Variants in PAXBP1 observed in about 807,000 individuals in gnomAD.
PAXBP1 encodes PAX3- and PAX7-binding protein 1.
In PAXBP1, 44 loss-of-function variants were observed where a neutral mutation model predicts 119.9. The ratio of observed to expected loss-of-function variants is 0.37; its 90% CI spans 0.29 to 0.47. The LOEUF (loss-of-function observed/expected upper bound fraction) is 0.47, where lower values mean the gene tolerates loss of function less well. Ranked by LOEUF, PAXBP1 falls within the 20% of genes least tolerant of loss-of-function variation. The pLI is 0.99. For synonymous variants in PAXBP1, 393 were observed against 406.6 expected (o/e 0.97, Z 0.40); for missense variants, 898 against 1,134.1 (o/e 0.79, Z 2.99).
At chr21:32,743,147 A>G in intron 15 of PAXBP1, 101 bp downstream of exon 15, 3 of 849,760 alleles carry the variant, frequency 3.5e-6, no homozygotes, top group Non-Finnish European at 5.9e-6. Context: ...ATATAAATAG[A>G]TCTAAGCCTA....
chr21:32,749,189 G>A (rs1024322451), intron 10 of PAXBP1, among the ~76,000 whole-genome samples: 2 of 151,620 alleles, frequency 1.3e-5, no homozygotes, highest in Non-Finnish European at 2.9e-5. Context: ...AGTTATTTGC[G>A]AATAAGATTT....
At position 32,743,503 on chromosome 21, in the gene PAXBP1, A is replaced by G. The variant is rs144774035; in HGVS notation, c.2267+175T>C. On this transcript the variant is annotated intron_variant, in intron 14 of 17. Transcript: ENST00000331923. ...ATTTATTCTGAGACACTCAGGGAGA[A>G]CGTAAGAGTATTGTTTTATTCTGCT... 1.3e-3 allele frequency among the ~76,000 whole-genome samples: 197 copies of G among 152,324 alleles called. 1 individual carries two copies. The highest frequency in any genetic ancestry group is 4.6e-3 in the African/African-American group (192 of 41,570).
chr21:32,738,128 T>C, intron 16 of PAXBP1, 45 bp downstream of exon 16: 1 of 1,474,224 alleles, frequency 6.8e-7, no homozygotes, highest in Non-Finnish European at 9.0e-7. Flanking sequence ...ACTTAATTCA[T>C]TTTAAATTAT....
At chr21:32,736,782 G>A (rs1212982202) in intron 17 of PAXBP1, among the ~76,000 whole-genome samples, 4 of 152,126 alleles carry the variant, frequency 2.6e-5, no homozygotes, top group Non-Finnish European at 5.9e-5. Context: ...AATGTCCACA[G>A]AAAGGCTAAT....
At chr21:32,748,740 G>C (rs1368282123) in intron 10 of PAXBP1, 42 bp from the exon 11 acceptor site, 1 of 1,538,326 alleles carries the variant, frequency 6.5e-7, no homozygotes, top group African/African-American at 1.4e-5. Flanking sequence ...ACATTAGTAT[G>C]AAGTAGGAAA....
At chr21:32,735,990 T>G (rs974163322) in intron 17 of PAXBP1, among the ~76,000 whole-genome samples, 7 of 152,112 alleles carry the variant, frequency 4.6e-5, no homozygotes, top group African/African-American at 1.7e-4. Flanking sequence ...TGTAGAAAAG[T>G]AAACACTATT....
At position 32,744,913 on chromosome 21, in the gene PAXBP1, A is replaced by G; in HGVS notation, c.2069T>C (p.Val690Ala). 6.3e-7 allele frequency: 1 copy of G among 1,595,558 alleles called. No homozygotes were observed. Among genetic ancestry groups the G allele is most frequent in the Non-Finnish European group, 8.5e-7 (1 of 1,174,984 alleles). Reference sequence around the variant, plus strand: ...AGGGTCCCACATATTTTCAGCTATCACTATTAAGAAAAAAAGAGGATTGAG... The same window carrying G: ...AGGGTCCCACATATTTTCAGCTATCGCTATTAAGAAAAAAAGAGGATTGAG... ...VEKVILPKLTVIAENMWDPFS... is the reference protein window; with the variant it reads ...VEKVILPKLTAIAENMWDPFS... Residue 690 changes from valine (V) to alanine (A), a missense_variant and splice_region_variant, in exon 13 of 18, where the codon GTG (valine) becomes GCG (alanine). This residue lies in a region of PAXBP1 where 599 missense variants were observed against 852.7 expected (regional missense o/e 0.70). Coordinates refer to ENST00000331923, the MANE Select transcript of PAXBP1 (RefSeq NM_016631.4).
intron 10 of PAXBP1, among the ~76,000 whole-genome samples, chr21:32,749,864 G>A (rs2043932218): frequency 6.6e-6 from 1 of 152,078 alleles, no homozygotes; most frequent in Admixed American, 6.6e-5. Flanking sequence ...GAACAATAGG[G>A]GTGGGTGTGT....
At chr21:32,753,492 T>C (rs1465359342) in intron 8 of PAXBP1, among the ~76,000 whole-genome samples, 1 of 151,916 alleles carries the variant, frequency 6.6e-6, no homozygotes, top group East Asian at 1.9e-4. Context: ...TTGTAAAATG[T>C]GCACTGGAGG....
Position 32,771,605 on chromosome 21 carries a change from C to A in PAXBP1, c.64G>T (p.Glu22Ter). 1 of 1,467,082 alleles carries A rather than the reference C, an allele frequency of 6.8e-7. No homozygotes were observed. The highest frequency in any genetic ancestry group is 9.0e-7 in the Non-Finnish European group (1 of 1,114,708). The allele number at this position is 1,467,082 out of a possible 1,614,324, so 90.9% of individuals were successfully genotyped here. The change falls in exon 1 of 18, where the codon GAA becomes TAA. Residue 22 changes from glutamate (E) to a stop codon, truncating the protein, a stop_gained. Transcript: ENST00000331923. LOFTEE classifies it high-confidence loss of function. ...GGCGGCTCCTGCTCCTCATCGCGTTCCCGCTCTTCCTCTTCGGAGTCGTTC... is the reference window on the plus strand; with the variant it reads ...GGCGGCTCCTGCTCCTCATCGCGTTACCGCTCTTCCTCTTCGGAGTCGTTC... ...KRNDSEEEERERDEEQEPPPL... is the reference protein window; with the variant it reads ...KRNDSEEEER
intron 4 of PAXBP1, 45 bp from the exon 5 acceptor site, chr21:32,761,207 C>T (rs758126641): frequency 6.9e-7 from 1 of 1,448,422 alleles, no homozygotes; most frequent in East Asian, 2.3e-5. Flanking sequence ...ACCCAAAGAG[C>T]AAAGAGGTAA....
In PAXBP1 at chr21:32,735,074, GA is replaced by G. The variant is rs1319707485; in HGVS notation, c.2637-8del. ...TATCTGTTTTATGTTTTCCCTAAAAGAAAAAAATATAGCAGCATCTCATTAA... is the reference window on the plus strand; with the variant it reads ...TATCTGTTTTATGTTTTCCCTAAAAGAAAAAATATAGCAGCATCTCATTAA... On this transcript the variant is annotated splice_region_variant and splice_polypyrimidine_tract_variant and intron_variant, in intron 17 of 17. Coordinates refer to ENST00000331923, the MANE Select transcript of PAXBP1 (RefSeq NM_016631.4). The G allele has an allele frequency of 1.3e-6, 2 of 1,591,376 alleles. No individual in the cohort carries two copies. The highest frequency in any genetic ancestry group is 2.7e-5 in the African/African-American group (2 of 74,206).
chr21:32,743,370 T>A (rs73901530), intron 14 of PAXBP1, 56 bp from the exon 15 acceptor site: 2 of 1,196,860 alleles, frequency 1.7e-6, no homozygotes, highest in Non-Finnish European at 2.3e-6. Flanking sequence ...GTAGGTGCCA[T>A]ATGATTCCTG....
rs1569153099 is a variant in PAXBP1 at position 32,738,181 on chromosome 21, C to A, written c.2473G>T (p.Ala825Ser). ...CTATGCATTTAACTCACATTTTGGGCTTTTTTGATGCTGTCATCTCCATAT... is the reference window on the plus strand; with the variant it reads ...CTATGCATTTAACTCACATTTTGGGATTTTTTGATGCTGTCATCTCCATAT... ...SEYGDDSIKK[A>S]QNVINCFPKQ... is the part of the protein sequence containing the mutation. Residue 825 changes from alanine (A) to serine (S), a missense_variant, in exon 16 of 18, where the codon GCC (alanine) becomes TCC (serine). Physicochemically the swap from Ala to Ser is moderately conservative, Grantham distance 99. Around this residue, in one of 2 missense-constraint regions of PAXBP1, gnomAD observed 599 missense variants for 852.7 expected, o/e 0.70. Coordinates refer to ENST00000331923, the MANE Select transcript of PAXBP1 (RefSeq NM_016631.4). The A allele has an allele frequency of 6.4e-7, 1 of 1,569,962 alleles. No individual in the cohort carries two copies. Among genetic ancestry groups the A allele is most frequent in the Admixed American group, 2.1e-5 (1 of 47,796 alleles).
At chr21:32,760,902 C>CGTGTGTGTGTGTGTGTGT (rs1175775718) in intron 5 of PAXBP1, among the ~76,000 whole-genome samples, 157 bp downstream of exon 5, 3 of 127,714 alleles carry the variant, frequency 2.3e-5, no homozygotes, top group Non-Finnish European at 3.3e-5. Context: ...TGCGTGCGTG[C>CGTGTGTGTGTGTGTGTGT]GTGTGTGTGT....
In PAXBP1 at chr21:32,759,190, T is replaced by C; in HGVS notation, c.1273A>G (p.Arg425Gly). ...GACCCTTCTAATCTTTCAATAGCCC[T>C]GGTAGAGTCCACTCGGCTTTGCAGA... Reference protein sequence around the residue: ...KHLQSRVDSTRAIERLEGSSG... With the variant: ...KHLQSRVDSTGAIERLEGSSG... The change falls in exon 7 of 18, where the codon AGG (arginine) becomes GGG (glycine). Residue 425 changes from arginine (R) to glycine (G), a missense_variant. By Grantham distance (125) the Arg-to-Gly change is moderately radical (BLOSUM62 -2). Transcript: ENST00000331923. 1.2e-6 allele frequency: 2 copies of C among 1,614,108 alleles called. No homozygotes were observed. Among genetic ancestry groups the C allele is most frequent in the Non-Finnish European group, 1.7e-6 (2 of 1,179,948 alleles).
At chr21:32,756,658 C>A in intron 7 of PAXBP1, 1 of 250,740 alleles carries the variant, frequency 4.0e-6, no homozygotes. Context: ...CTTCCCCATG[C>A]CCTCATTTTT....
intron 8 of PAXBP1, among the ~76,000 whole-genome samples, chr21:32,754,641 T>C (rs936377606): frequency 6.6e-6 from 1 of 152,198 alleles, no homozygotes; most frequent in African/African-American, 2.4e-5. Flanking sequence ...ATTTCAAGAA[T>C]TGTAAGCACC....
intron 2 of PAXBP1, among the ~76,000 whole-genome samples, chr21:32,766,528 A>C (rs1436265585): frequency 6.6e-6 from 1 of 152,132 alleles, no homozygotes; most frequent in Non-Finnish European, 1.5e-5. Flanking sequence ...TCTCTTCATC[A>C]AAAGAGCTTT....
Sources: allele counts gnomAD v4.1 joint callset (sites outside exome capture counted in the v4.1 genomes callset), GRCh38; gene constraint gnomAD v4.1.1; regional missense constraint gnomAD v4.1.1; transcripts MANE v1.5; gene names NCBI Gene and HGNC (gene_info 2026-07-23, HGNC 2026-07-21).